Variants in PROM1 observed in about 807,000 individuals in gnomAD.
The protein encoded by PROM1 is prominin-1.
In PROM1, 105 loss-of-function variants were observed where a neutral mutation model predicts 116.9. The observed-to-expected ratio is 0.90, with a 90% CI of 0.77 to 1.06. The LOEUF (loss-of-function observed/expected upper bound fraction) is 1.06, where lower values mean the gene tolerates loss of function less well. Among genes scored for constraint, PROM1 ranks in the 50% least tolerant of loss-of-function variants. The probability of loss-of-function intolerance (pLI) is 0.00; values close to 1 mark genes in which losing one functional copy is unlikely to be tolerated. For missense variants in PROM1, 1,122 were observed against 1,045.2 expected, an observed-to-expected ratio of 1.07 and a Z score of -1.01; for synonymous variants, 393 against 387.0, an observed-to-expected ratio of 1.02 and a Z score of -0.18.
rs535107777 is a variant in PROM1 at position 16,067,495 on chromosome 4, G to A, written c.220+8192C>T. ...TGACTCGCCTAAATCCCTGAAAGCGGGCACACAGTGAGTGGTGCTTGCCAT... is the reference window on the plus strand; with the variant it reads ...TGACTCGCCTAAATCCCTGAAAGCGAGCACACAGTGAGTGGTGCTTGCCAT... On this transcript the variant is annotated intron_variant, in intron 2 of 27. Transcript: ENST00000447510. Among the ~76,000 whole-genome samples the A allele has an allele frequency of 2.6e-5, 4 of 152,260 alleles. No homozygotes were observed. The East Asian group carries it at 7.7e-4, about 29-fold the overall frequency.
At chr4:16,006,960 G>C (rs1402645529) in intron 12 of PROM1, among the ~76,000 whole-genome samples, 1 of 152,098 alleles carries the variant, frequency 6.6e-6, no homozygotes. Context: ...CCTTTGCTTT[G>C]ATTCCCACGG....
rs562605076 is a variant in PROM1, at chr4:15,999,332, G to A, written c.1579-844C>T. Among the ~76,000 whole-genome samples, 7 of 152,128 alleles carry A rather than the reference G, an allele frequency of 4.6e-5. No individual in the cohort carries two copies. The East Asian group carries it at 9.8e-4, about 21-fold the overall frequency. On this transcript the variant is annotated intron_variant, in intron 14 of 27. Transcript: ENST00000447510. Reference sequence around the variant, plus strand: ...TAAAAATACAAAAAATTAGCCGCGCGTGGTGGCGGGCACCTGTAGTTCCAG... The same window carrying A: ...TAAAAATACAAAAAATTAGCCGCGCATGGTGGCGGGCACCTGTAGTTCCAG...
At chr4:15,976,629 C>G (rs1577764111) in intron 26 of PROM1, among the ~76,000 whole-genome samples, 1 of 152,228 alleles carries the variant, frequency 6.6e-6, no homozygotes, top group African/African-American at 2.4e-5. Flanking sequence ...ATGATCATGC[C>G]TAAGTGACAA....
chr4:15,986,780 T>C (rs537971984), intron 20 of PROM1, among the ~76,000 whole-genome samples: 10 of 152,270 alleles, frequency 6.6e-5, no homozygotes, highest in Non-Finnish European at 1.2e-4. Context: ...AATCTAAACA[T>C]CTTCAAAGGA....
At chr4:16,036,664 G>C (rs186533197) in intron 3 of PROM1, among the ~76,000 whole-genome samples, 4 of 152,310 alleles carry the variant, frequency 2.6e-5, no homozygotes, top group Admixed American at 2.6e-4. Flanking sequence ...ATATGGGTAA[G>C]ACCAGGAATC....
chr4:16,019,897 C>CACACA (rs3221209), intron 8 of PROM1, among the ~76,000 whole-genome samples: 1 of 148,532 alleles, frequency 6.7e-6, no homozygotes, highest in Non-Finnish European at 1.5e-5. Flanking sequence ...CACACACACA[C>CACACA]ATTTTAAAAA....
chr4:16,035,489 G>A (rs3857150), intron 4 of PROM1, among the ~76,000 whole-genome samples: 7,020 of 152,246 alleles, frequency 0.046, 548 homozygotes, highest in African/African-American at 0.16. Context: ...CTTCTAGGCC[G>A]ACTAGACGAA....
chr4:16,021,958 A>T (rs774838834), intron 8 of PROM1, among the ~76,000 whole-genome samples: 11 of 152,244 alleles, frequency 7.2e-5, no homozygotes, highest in Admixed American at 1.3e-4. Context: ...GTGGGTCCCT[A>T]ATCCAACAGA....
chr4:15,999,361 C>T (rs1025288473), intron 14 of PROM1, among the ~76,000 whole-genome samples: 1 of 151,896 alleles, frequency 6.6e-6, no homozygotes, highest in Non-Finnish European at 1.5e-5. Context: ...GTTCCAGCTA[C>T]TCGGGAGGCT....
At chr4:16,057,066 C>T (rs1739222334) in intron 2 of PROM1, among the ~76,000 whole-genome samples, 1 of 152,222 alleles carries the variant, frequency 6.6e-6, no homozygotes, top group South Asian at 2.1e-4. Flanking sequence ...ACTTGAATTT[C>T]AGAAGGAGAT....
At chr4:16,007,194 G>A (rs1437096731) in intron 12 of PROM1, among the ~76,000 whole-genome samples, 5 of 152,094 alleles carry the variant, frequency 3.3e-5, no homozygotes, top group African/African-American at 1.2e-4. Flanking sequence ...GAAATATTTG[G>A]GGCCACTGTG....
At chr4:16,059,982 A>G (rs1219287929) in intron 2 of PROM1, among the ~76,000 whole-genome samples, 2 of 152,242 alleles carry the variant, frequency 1.3e-5, no homozygotes, top group East Asian at 1.9e-4. Flanking sequence ...GCAAGGTGCC[A>G]AGTAATATAT....
chr4:15,992,973 C>T (rs980713501), intron 16 of PROM1, among the ~76,000 whole-genome samples: 2 of 152,176 alleles, frequency 1.3e-5, no homozygotes, highest in African/African-American at 2.4e-5. Flanking sequence ...AGTGCCTGCA[C>T]GTCCCAGGCA....
At chr4:16,067,049 A>G (rs1036478771) in intron 2 of PROM1, among the ~76,000 whole-genome samples, 1 of 152,224 alleles carries the variant, frequency 6.6e-6, no homozygotes, top group East Asian at 1.9e-4. Context: ...CACACAAGGA[A>G]GATTAGAAGT....
At chr4:16,045,305 T>C (rs1304237518) in intron 2 of PROM1, among the ~76,000 whole-genome samples, 1 of 152,140 alleles carries the variant, frequency 6.6e-6, no homozygotes, top group Non-Finnish European at 1.5e-5. Flanking sequence ...AGACCCTGCA[T>C]GTTTGCCCTC....
intron 2 of PROM1, among the ~76,000 whole-genome samples, chr4:16,070,715 A>T (rs1389087721): frequency 2.6e-5 from 4 of 152,240 alleles, no homozygotes; most frequent in African/African-American, 9.6e-5. Context: ...AAGACCAATC[A>T]GTAAACTAGC....
chr4:15,970,495 T>C (rs1714214039), intron 27 of PROM1, among the ~76,000 whole-genome samples: 2 of 149,726 alleles, frequency 1.3e-5, no homozygotes, highest in African/African-American at 4.9e-5. Context: ...TTAAAAAATC[T>C]TATCTTTTTA....
chr4:16,013,281 C>T lies in PROM1; in HGVS notation c.1135G>A (p.Val379Ile), dbSNP rs1329126414. ...CTCAAACTGTGAATCTCACCTGCTA[C>T]GACAGTCGTGGTTTGGCGTTGTACT... ...DRVQRQTTTV[V>I]AGIKRVLNSI... The change falls in exon 11 of 28, where the codon GTA becomes ATA. Residue 379 changes from valine to isoleucine, a missense_variant. Coordinates refer to ENST00000447510, the MANE Select transcript of PROM1 (RefSeq NM_006017.3). 2.0e-5 allele frequency: 32 copies of T among 1,605,548 alleles called. No homozygotes were observed. Among genetic ancestry groups the T allele is most frequent in the African/African-American group, 5.4e-5 (4 of 74,688 alleles).
At chr4:15,988,732 A>C (rs952074036) in intron 19 of PROM1, among the ~76,000 whole-genome samples, 1 of 152,248 alleles carries the variant, frequency 6.6e-6, no homozygotes, top group Non-Finnish European at 1.5e-5. Context: ...CCAGCTTAAA[A>C]TGTTAACAAA....
Sources: gnomAD v4.1 joint callset for allele counts (sites outside exome capture counted in the v4.1 genomes callset) on GRCh38, gnomAD v4.1.1 for gene constraint, MANE v1.5 for transcripts, NCBI Gene and HGNC (gene_info 2026-07-23, HGNC 2026-07-21) for gene names.